The following DNMT1 variants were observed in gnomAD, a reference collection of about 807,000 sequenced individuals.
DNMT1 encodes the protein DNA methyltransferase 1.
A neutral mutation model predicts 205.3 loss-of-function variants in DNMT1; 24 were observed. The observed-to-expected ratio is 0.12, with a 90% CI of 0.08 to 0.16. The LOEUF is 0.16. Ranked by LOEUF, DNMT1 falls within the 10% of genes least tolerant of loss-of-function variation. The pLI, the probability that DNMT1 is intolerant of heterozygous loss-of-function variation, is 1.00. For synonymous variants in DNMT1, 817 were observed against 839.8 expected (o/e 0.97, Z 0.47); for missense variants, 1,293 against 2,177.7 (o/e 0.59, Z 8.09).
Position 10,194,902 on chromosome 19 carries a change from C to A in DNMT1, c.-3G>T. On this transcript the variant is annotated 5_prime_UTR_variant, in exon 1 of 41. Coordinates refer to ENST00000359526, the MANE Select transcript of DNMT1 (RefSeq NM_001130823.3). The stretch of plus-strand genomic sequence containing the variant: ...GCTGGGGCGGTACGCGCCGGCATCT[C>A]GGAGGCTTCAGCAGACGCGGCGGCG... The A allele has an allele frequency of 6.2e-7, 1 of 1,607,754 alleles. No individual in the cohort carries two copies. Among genetic ancestry groups the A allele is most frequent in the Non-Finnish European group, 8.5e-7 (1 of 1,177,342 alleles).
At position 10,151,955 on chromosome 19, in the gene DNMT1, T is replaced by C. The variant is rs1175911794; in HGVS notation, c.2020-108A>G. The stretch of plus-strand genomic sequence containing the variant: ...CAGGCAGATCACTTAAGGTCAGGAA[T>C]TGCAGACCAGCCTGGCCAACGTGGT... On this transcript the variant is annotated intron_variant, in intron 22 of 40. Coordinates refer to ENST00000359526, the MANE Select transcript of DNMT1 (RefSeq NM_001130823.3). This position sits in a 1 kb window ranked among gnomAD's most constrained non-coding sequence, Gnocchi z 5.0. 1.3e-5 allele frequency: 14 copies of C among 1,066,510 alleles called. No individual in the cohort carries two copies. The highest frequency in any genetic ancestry group is 1.3e-4 in the South Asian group (10 of 79,060). 66.1% of individuals were successfully genotyped at this position (1,066,510 alleles called of 1,614,324 possible). A position where few individuals can be genotyped will look rare whatever the true frequency, so the allele number is the denominator to read the frequency against.
intron 38 of DNMT1, 56 bp downstream of exon 38, chr19:10,136,065 T>A (rs2089475133): frequency 6.2e-7 from 1 of 1,611,278 alleles, no homozygotes; most frequent in Non-Finnish European, 8.5e-7. Context: ...TCCACCTAGT[T>A]AGGCCGCCAA....
intron 12 of DNMT1, 27 bp from the exon 13 acceptor site, chr19:10,162,775 G>A (rs2038601895): frequency 6.2e-7 from 1 of 1,612,002 alleles, no homozygotes; most frequent in African/African-American, 1.3e-5. Context: ...TACACAGCAA[G>A]TAGCAGCTTA....
Position 10,182,413 on chromosome 19 carries a change from ATG to A in DNMT1, c.81-338_81-337del, listed in dbSNP as rs1452640920. Among the ~76,000 whole-genome samples, 6 of 72,342 alleles carry A rather than the reference ATG, an allele frequency of 8.3e-5. No homozygotes were observed. The East Asian group carries it at 2.1e-3, about 25-fold the overall frequency. 47.5% of individuals were successfully genotyped at this position (72,342 alleles called of 152,430 possible). A position where few individuals can be genotyped will look rare whatever the true frequency, so the allele number is the denominator to read the frequency against. On this transcript the variant is annotated intron_variant, in intron 1 of 40. Transcript: ENST00000359526. ...TATATGTGTATATATATACATATAT[ATG>A]TGTATATATATGTGTGTATATATAT... is the stretch of plus-strand genomic sequence containing the variant.
chr19:10,173,153 T>G lies in DNMT1; in HGVS notation c.705A>C (p.Ala235=). The change falls in exon 9 of 41, where the codon GCA becomes GCC. Residue 235 remains alanine, a synonymous_variant. Transcript: ENST00000359526. ...SRERVARPLP[A]EEPERAKSGT... ...CTGATTTTGCTCTTTCAGGTTCTTC[T>G]GCAGGAAGCGGTCTAGCAACTCTGT... The G allele has an allele frequency of 6.2e-7, 1 of 1,614,178 alleles. No homozygotes were observed. Among genetic ancestry groups the G allele is most frequent in the Non-Finnish European group, 8.5e-7 (1 of 1,180,032 alleles).
Position 10,138,426 on chromosome 19 carries a change from G to A in DNMT1, c.4115+13C>T, listed in dbSNP as rs369000824. The A allele has an allele frequency of 1.9e-5, 31 of 1,613,620 alleles. No homozygotes were observed. Among genetic ancestry groups the A allele is most frequent in the South Asian group, 1.9e-4 (17 of 91,074 alleles). ...GCTCGGCAGTGTGTGGAGGAGCGAC[G>A]GGGGCCACCTACCTGGTTATGTTGC... On this transcript the variant is annotated intron_variant, in intron 35 of 40. Coordinates refer to ENST00000359526, the MANE Select transcript of DNMT1 (RefSeq NM_001130823.3). This position sits in a 1 kb window ranked among gnomAD's most constrained non-coding sequence, Gnocchi z 4.1.
chr19:10,193,678 A>AAAAAGAAAAG (rs1555697379), intron 1 of DNMT1, among the ~76,000 whole-genome samples: 23 of 151,820 alleles, frequency 1.5e-4, no homozygotes, highest in African/African-American at 4.1e-4. Context: ...AAAAAAAAAA[A>AAAAAGAAAAG]AAAAGAAAAG....
At position 10,133,758 on chromosome 19, in the gene DNMT1, T is replaced by C. The variant is rs759093844; in HGVS notation, c.4865-57A>G. The stretch of plus-strand genomic sequence containing the variant: ...GGGAACACGCCCGGTGTCACGCCAC[T>C]TGACAGGCGAGTAACAGACATGGAC... On this transcript the variant is annotated intron_variant, in intron 40 of 40. Coordinates refer to ENST00000359526, the MANE Select transcript of DNMT1 (RefSeq NM_001130823.3). This position sits in a 1 kb window ranked among gnomAD's most constrained non-coding sequence, Gnocchi z 4.1. 4 of 1,536,058 alleles carry C rather than the reference T, an allele frequency of 2.6e-6. No homozygotes were observed. The highest frequency in any genetic ancestry group is 2.7e-6 in the Non-Finnish European group (3 of 1,130,114).
chr19:10,145,461 A>G (rs573477839), intron 28 of DNMT1, among the ~76,000 whole-genome samples: 1 of 149,412 alleles, frequency 6.7e-6, no homozygotes, highest in African/African-American at 2.4e-5. Context: ...TGAGCCGGGA[A>G]GGCATCTGGA....
chr19:10,182,182 A>C lies in DNMT1; in HGVS notation c.81-105T>G, dbSNP rs553892767. 6 of 1,217,350 alleles carry C rather than the reference A, an allele frequency of 4.9e-6. No individual in the cohort carries two copies. The East Asian group carries it at 1.2e-4, about 24-fold the overall frequency. The allele number at this position is 1,217,350 out of a possible 1,614,324, so 75.4% of individuals were successfully genotyped here. A position where few individuals can be genotyped will look rare whatever the true frequency, so the allele number is the denominator to read the frequency against. On this transcript the variant is annotated intron_variant, in intron 1 of 40. Coordinates refer to ENST00000359526, the MANE Select transcript of DNMT1 (RefSeq NM_001130823.3). ...AGAAGTTTTGGACACAAACAAGTTT[A>C]ACATATGAGTGTTAGAAAAAACTAA...
At position 10,159,594 on chromosome 19, in the gene DNMT1, C is replaced by G; in HGVS notation, c.1280+64G>C. ...AAAAACATCACCAGAATCGTGAGCC[C>G]GCAGGCACCTCTGGGGATGTGCCTC... On this transcript the variant is annotated intron_variant, in intron 17 of 40. Transcript: ENST00000359526. The surrounding 1 kb of genome is among the most constrained non-coding windows in gnomAD (Gnocchi z 5.0). The G allele has an allele frequency of 1.3e-6, 2 of 1,522,416 alleles. No homozygotes were observed. The highest frequency in any genetic ancestry group is 2.3e-5 in the East Asian group (1 of 44,342). 94.3% of individuals were successfully genotyped at this position (1,522,416 alleles called of 1,614,324 possible). A position where few individuals can be genotyped will look rare whatever the true frequency, so the allele number is the denominator to read the frequency against.
intron 17 of DNMT1, among the ~76,000 whole-genome samples, chr19:10,158,751 C>T (rs182176004): frequency 1.5e-3 from 221 of 152,284 alleles, no homozygotes; most frequent in Admixed American, 2.6e-3. Flanking sequence ...TGTGGCCCAG[C>T]CCCAACCCAG....
At position 10,137,797 on chromosome 19, in the gene DNMT1, C is replaced by A. The variant is rs1389522971; in HGVS notation, c.4293+35G>T. ...TTCCCACGAGGCTGCTGGGCTGGGC[C>A]TCGAGGAGGAGCCGCTCTGTCAGGG... is the stretch of plus-strand genomic sequence containing the variant. On this transcript the variant is annotated intron_variant, in intron 36 of 40. Coordinates refer to ENST00000359526, the MANE Select transcript of DNMT1 (RefSeq NM_001130823.3). The surrounding 1 kb of genome is among the most constrained non-coding windows in gnomAD (Gnocchi z 6.4). The A allele has an allele frequency of 6.2e-7, 1 of 1,603,956 alleles. No individual in the cohort carries two copies. The highest frequency in any genetic ancestry group is 8.5e-7 in the Non-Finnish European group (1 of 1,176,324).
At chr19:10,169,442 A>G (rs1393816512) in intron 9 of DNMT1, among the ~76,000 whole-genome samples, 1 of 150,858 alleles carries the variant, frequency 6.6e-6, no homozygotes, top group Non-Finnish European at 1.5e-5. Context: ...CTGCAGTCCC[A>G]GCTACTGGGG....
At chr19:10,149,759 G>A in intron 25 of DNMT1, 94 bp downstream of exon 25, 1 of 1,604,302 alleles carries the variant, frequency 6.2e-7, no homozygotes, top group Admixed American at 1.7e-5. Flanking sequence ...TTTCATCTAG[G>A]GCAAAAAGCT....
chr19:10,148,116 C>CAAAAAAAAAAAAAA (rs35310173), intron 27 of DNMT1, among the ~76,000 whole-genome samples: 4 of 59,276 alleles, frequency 6.7e-5, no homozygotes, highest in Non-Finnish European at 1.2e-4. Flanking sequence ...AACTCTGTCT[C>CAAAAAAAAAAAAAA]AAAAAAAAAA....
intron 39 of DNMT1, 30 bp downstream of exon 39, chr19:10,135,706 T>C: frequency 1.2e-6 from 2 of 1,600,594 alleles, no homozygotes; most frequent in South Asian, 2.2e-5. Flanking sequence ...CTCCTTCCTG[T>C]CCAGACCCAG....
Position 10,159,624 on chromosome 19 carries a change from C to T in DNMT1, c.1280+34G>A. The T allele has an allele frequency of 6.2e-7, 1 of 1,609,176 alleles. No homozygotes were observed. The highest frequency in any genetic ancestry group is 8.5e-7 in the Non-Finnish European group (1 of 1,175,688). On this transcript the variant is annotated intron_variant, in intron 17 of 40. Transcript: ENST00000359526. This position sits in a 1 kb window ranked among gnomAD's most constrained non-coding sequence, Gnocchi z 5.0. The stretch of plus-strand genomic sequence containing the variant: ...GCACCTCTGGGGATGTGCCTCCTTC[C>T]ACGAAGCAAACATGCACACGAAAGT...
At chr19:10,135,237 G>C (rs1363269837) in intron 39 of DNMT1, among the ~76,000 whole-genome samples, 1 of 148,322 alleles carries the variant, frequency 6.7e-6, no homozygotes, top group East Asian at 2.0e-4. Context: ...AAAAGAGAGA[G>C]TGGCTGCTTC....
Sources: allele counts gnomAD v4.1 joint callset (sites outside exome capture counted in the v4.1 genomes callset), GRCh38; gene constraint gnomAD v4.1.1; non-coding constraint Gnocchi (gnomAD v3.1); transcripts MANE v1.5; gene names NCBI Gene and HGNC (gene_info 2026-07-23, HGNC 2026-07-21).